Variants in EPB41 observed in about 807,000 individuals in gnomAD.
The protein encoded by EPB41 is erythrocyte membrane protein band 4.1, also known as protein 4.1.
EPB41 carries 65 observed loss-of-function variants against 108.0 expected under a neutral mutation model. The ratio of observed to expected loss-of-function variants is 0.60; its 90% CI spans 0.49 to 0.74. The LOEUF is 0.74. Ranked by LOEUF, EPB41 falls within the 30% of genes least tolerant of loss-of-function variation. The probability of loss-of-function intolerance (pLI) is 0.00; values close to 1 mark genes in which losing one functional copy is unlikely to be tolerated. For missense variants in EPB41, 875 were observed against 1,037.0 expected (o/e 0.84, Z 2.15); for synonymous variants, 336 against 358.9 (o/e 0.94, Z 0.72).
chr1:29,112,030 T>C (rs1324544210), intron 18 of EPB41, among the ~76,000 whole-genome samples: 1 of 152,036 alleles, frequency 6.6e-6, no homozygotes, highest in Non-Finnish European at 1.5e-5. Context: ...AAGTGTACTC[T>C]ACAAGGGAGT....
intron 1 of EPB41, among the ~76,000 whole-genome samples, chr1:28,915,731 C>CTTTTTTTTTTTTTTTTTTTTTTTTTGGTT (rs11321625): frequency 1.8e-5 from 1 of 56,074 alleles, no homozygotes; most frequent in African/African-American, 7.8e-5. Flanking sequence ...TTTTCAGATG[C>CTTTTTTTTTTTTTTTTTTTTTTTTTGGTT]TTTTTTTTTT....
At chr1:28,900,953 G>A (rs943060496) in intron 1 of EPB41, among the ~76,000 whole-genome samples, 3 of 151,878 alleles carry the variant, frequency 2.0e-5, no homozygotes, top group South Asian at 2.1e-4. Flanking sequence ...ATTTTGAGAC[G>A]GAATCTCACT....
intron 4 of EPB41, 33 bp downstream of exon 4, chr1:28,997,352 C>A: frequency 7.7e-7 from 1 of 1,305,592 alleles, no homozygotes; most frequent in Non-Finnish European, 1.1e-6. Flanking sequence ...AAGAAGCTGA[C>A]AAAAAATTTA....
intron 1 of EPB41, among the ~76,000 whole-genome samples, chr1:28,969,615 A>G (rs566504290): frequency 9.9e-5 from 15 of 151,730 alleles, no homozygotes; most frequent in Non-Finnish European, 2.2e-4. Context: ...AATACAAAAA[A>G]TTGGCCGGTC....
At chr1:29,108,596 G>T (rs1363801732) in intron 17 of EPB41, among the ~76,000 whole-genome samples, 1 of 151,520 alleles carries the variant, frequency 6.6e-6, no homozygotes, top group Non-Finnish European at 1.5e-5. Context: ...TCACTCTGTT[G>T]CCCAGGCTGG....
At chr1:29,083,504 T>G (rs1016565871) in intron 16 of EPB41, among the ~76,000 whole-genome samples, 7 of 152,224 alleles carry the variant, frequency 4.6e-5, no homozygotes, top group African/African-American at 1.7e-4. Flanking sequence ...CTTTTTTGGC[T>G]GAAGAATGGG....
At chr1:28,915,896 C>T (rs963290542) in intron 1 of EPB41, among the ~76,000 whole-genome samples, 1 of 151,904 alleles carries the variant, frequency 6.6e-6, no homozygotes, top group African/African-American at 2.4e-5. Context: ...TGCTGTTGCT[C>T]ATTGTTGTTT....
In EPB41 at chr1:28,987,925, G is replaced by A. The variant is rs753963954; in HGVS notation, c.468+20G>A. 1 of 1,611,326 alleles carries A rather than the reference G, an allele frequency of 6.2e-7. No homozygotes were observed. The highest frequency in any genetic ancestry group is 1.7e-5 in the Admixed American group (1 of 60,018). On this transcript the variant is annotated intron_variant, in intron 2 of 20. Transcript: ENST00000343067. ...ACACAGGTAAGGATGTGTGGATATGGGAGGTGGGCAAAGGAAGGCAGGTTA... is the reference window on the plus strand; with the variant it reads ...ACACAGGTAAGGATGTGTGGATATGAGAGGTGGGCAAAGGAAGGCAGGTTA...
At chr1:29,061,511 C>T (rs1390530962) in intron 15 of EPB41, among the ~76,000 whole-genome samples, 2 of 150,200 alleles carry the variant, frequency 1.3e-5, no homozygotes, top group African/African-American at 4.9e-5. Flanking sequence ...CCTCGTGATT[C>T]GCCCACCTTG....
intron 17 of EPB41, among the ~76,000 whole-genome samples, chr1:29,107,867 A>AG (rs921456604): frequency 6.7e-6 from 1 of 149,464 alleles, no homozygotes; most frequent in Non-Finnish European, 1.5e-5. Flanking sequence ...AAAAAAAAAA[A>AG]AAAATACAAA....
At position 29,058,536 on chromosome 1, in the gene EPB41, A is replaced by G. The variant is rs1045592444; in HGVS notation, c.1846-53A>G. On this transcript the variant is annotated intron_variant, in intron 12 of 20. Transcript: ENST00000343067. ...AGCTTATTTGGAAACAACACTATTC[A>G]TAGAAACCTACTAACCTAAAATGTT... The G allele has an allele frequency of 2.6e-6, 4 of 1,517,128 alleles. No homozygotes were observed. In the Admixed American group the frequency reaches 5.2e-5, roughly 20 times the overall value. The allele number at this position is 1,517,128 out of a possible 1,614,324, so 94.0% of individuals were successfully genotyped here.
intron 1 of EPB41, among the ~76,000 whole-genome samples, chr1:28,954,218 C>T (rs1279941238): frequency 6.6e-6 from 1 of 152,126 alleles, no homozygotes; most frequent in Non-Finnish European, 1.5e-5. Context: ...ATTGTTTAGG[C>T]ACATGGTTAG....
chr1:28,921,559 TA>T (rs1010744775), intron 1 of EPB41, among the ~76,000 whole-genome samples: 24 of 152,128 alleles, frequency 1.6e-4, no homozygotes, highest in African/African-American at 5.8e-4. Flanking sequence ...GTAAAGGCTT[TA>T]AAAAATTTTT....
At chr1:28,990,128 C>T (rs1248394018) in intron 2 of EPB41, among the ~76,000 whole-genome samples, 3 of 150,830 alleles carry the variant, frequency 2.0e-5, no homozygotes, top group Non-Finnish European at 4.4e-5. Flanking sequence ...TGGTGGCGGG[C>T]ACCTGTAGTC....
chr1:28,998,459 A>G (rs1277181530), intron 4 of EPB41, among the ~76,000 whole-genome samples: 1 of 152,236 alleles, frequency 6.6e-6, no homozygotes, highest in African/African-American at 2.4e-5. Context: ...CCTTTCTCCA[A>G]GATGATTTCA....
intron 1 of EPB41, among the ~76,000 whole-genome samples, chr1:28,982,124 T>C (rs2095764414): frequency 6.7e-6 from 1 of 150,264 alleles, no homozygotes; most frequent in Non-Finnish European, 1.5e-5. Context: ...AATTCCCACC[T>C]ATGAGTGAGA....
At chr1:29,090,610 C>T (rs775274278) in intron 16 of EPB41, among the ~76,000 whole-genome samples, 2 of 151,996 alleles carry the variant, frequency 1.3e-5, no homozygotes, top group Non-Finnish European at 2.9e-5. Flanking sequence ...ATTAGCCGGG[C>T]GCGATGGCAA....
At chr1:29,049,841 G>A (rs1644180283) in intron 11 of EPB41, among the ~76,000 whole-genome samples, 1 of 152,032 alleles carries the variant, frequency 6.6e-6, no homozygotes, top group Non-Finnish European at 1.5e-5. Flanking sequence ...GTTATGTATT[G>A]TCTATATATG....
chr1:29,018,217 GC>G lies in EPB41; in HGVS notation c.906-6del, dbSNP rs1223770890. 3 of 1,611,734 alleles carry G rather than the reference GC, an allele frequency of 1.9e-6. No individual in the cohort carries two copies. The highest frequency in any genetic ancestry group is 1.3e-5 in the African/African-American group (1 of 74,202). ...GCTGACATAACATTTTTCTCTTTTGGCTGTAGATATTATTTATGTCTTCAGC... is the reference window on the plus strand; with the variant it reads ...GCTGACATAACATTTTTCTCTTTTGGTGTAGATATTATTTATGTCTTCAGC... On this transcript the variant is annotated splice_polypyrimidine_tract_variant and splice_region_variant and intron_variant, in intron 6 of 20. Transcript: ENST00000343067. This position sits in a 1 kb window ranked among gnomAD's most constrained non-coding sequence, Gnocchi z 4.4.
Sources: gnomAD v4.1 joint callset for allele counts (sites outside exome capture counted in the v4.1 genomes callset) on GRCh38, gnomAD v4.1.1 for gene constraint, Gnocchi (gnomAD v3.1) non-coding constraint, MANE v1.5 for transcripts, NCBI Gene and HGNC (gene_info 2026-07-23, HGNC 2026-07-21) for gene names.